The following ZNF432 variants were observed in gnomAD, a reference collection of about 807,000 sequenced individuals.
The protein encoded by ZNF432 is zinc finger protein 432.
Under a neutral mutation model 13.9 loss-of-function variants are expected in ZNF432, and 10 were observed. The observed-to-expected ratio is 0.72, with a 90% confidence interval of 0.44 to 1.22. The LOEUF (loss-of-function observed/expected upper bound fraction) is 1.22. Among genes scored for constraint, ZNF432 ranks in the 50% most tolerant of loss-of-function variants. ZNF432 has a pLI of 0.00. For missense variants in ZNF432, 793 were observed against 796.2 expected (o/e 1.00, Z 0.05); for synonymous variants, 247 against 256.2 (o/e 0.96, Z 0.34).
Position 52,033,899 on chromosome 19 carries a change from C to A in ZNF432, c.1780G>T (p.Glu594Ter). The A allele has an allele frequency of 1.2e-6, 2 of 1,614,002 alleles. No individual in the cohort carries two copies. Among genetic ancestry groups the A allele is most frequent in the Non-Finnish European group, 1.7e-6 (2 of 1,179,986 alleles). The change falls in exon 5 of 5, where the codon GAA becomes TAA. Residue 594 changes from glutamate to a stop codon, truncating the protein, a stop_gained. Coordinates refer to ENST00000221315, the MANE Select transcript of ZNF432 (RefSeq NM_014650.4). LOFTEE classifies it low-confidence loss of function (END_TRUNC). ...LALHKQVHTG[E>*]KPYGCNECGK... ...CATTCATTACATCCATAAGGTTTTTCTCCAGTATGAACTTGCTTATGTAAA... is the reference window on the plus strand; with the variant it reads ...CATTCATTACATCCATAAGGTTTTTATCCAGTATGAACTTGCTTATGTAAA...
intron 4 of ZNF432, among the ~76,000 whole-genome samples, chr19:52,038,140 A>T (rs1175993722): frequency 1.3e-5 from 2 of 152,114 alleles, no homozygotes; most frequent in Non-Finnish European, 2.9e-5. Flanking sequence ...TCATCTTGAT[A>T]AAAAAAAGTT....
Position 52,035,323 on chromosome 19 carries a change from C to G in ZNF432, c.356G>C (p.Ser119Thr). The G allele has an allele frequency of 6.2e-7, 1 of 1,612,592 alleles. No homozygotes were observed. Among genetic ancestry groups the G allele is most frequent in the South Asian group, 1.1e-5 (1 of 90,556 alleles). The change falls in exon 5 of 5, where the codon AGC (serine) becomes ACC (threonine). Residue 119 changes from serine to threonine, a missense_variant. Transcript: ENST00000221315. ...AFGNTASQTK[S>T]LCLFRENHDT... ...ATGATTTTCCCTGAAAAGACAAAGG[C>G]TTTTGGTTTGAGAGGCAGTATTTCC...
chr19:52,048,182 C>CACACACACAAAA (rs1482172095), intron 1 of ZNF432, among the ~76,000 whole-genome samples: 7 of 146,216 alleles, frequency 4.8e-5, no homozygotes, highest in African/African-American at 1.3e-4. Flanking sequence ...CACACACACA[C>CACACACACAAAA]AAAACCAGCC....
At position 52,033,783 on chromosome 19, in the gene ZNF432, T is replaced by C. The variant is rs1353604334; in HGVS notation, c.1896A>G (p.Lys632=). ...EKPFVCSECR[K]AFSSKRNLIV... is the part of the protein sequence containing the mutation. Reference sequence around the variant, plus strand: ...TGAGATTTCTCTTTGAGGAGAAGGCTTTTCTACATTCACTGCATACAAAGG... The same window carrying C: ...TGAGATTTCTCTTTGAGGAGAAGGCCTTTCTACATTCACTGCATACAAAGG... The change falls in exon 5 of 5, where the codon AAA becomes AAG. Residue 632 remains lysine, a synonymous_variant. Coordinates refer to ENST00000221315, the MANE Select transcript of ZNF432 (RefSeq NM_014650.4). 1 of 1,609,192 alleles carries C rather than the reference T, an allele frequency of 6.2e-7. No individual in the cohort carries two copies. Among genetic ancestry groups the C allele is most frequent in the Non-Finnish European group, 8.5e-7 (1 of 1,178,630 alleles).
At chr19:52,041,152 T>G (rs974737188) in intron 3 of ZNF432, among the ~76,000 whole-genome samples, 1 of 152,132 alleles carries the variant, frequency 6.6e-6, no homozygotes, top group African/African-American at 2.4e-5. Flanking sequence ...ATAACAACTA[T>G]GTACATAGCA....
Position 52,034,785 on chromosome 19 carries a change from G to A in ZNF432, c.894C>T (p.Phe298=). The change falls in exon 5 of 5, where the codon TTC becomes TTT. Residue 298 remains phenylalanine (F), a synonymous_variant. Coordinates refer to ENST00000221315, the MANE Select transcript of ZNF432 (RefSeq NM_014650.4). ...GTACAATGAGATTACGCTTGCCTGG[G>A]AAGCCTTTTCCACATTCATTGCATA... is the stretch of plus-strand genomic sequence containing the variant. ...PYICNECGKG[F]PGKRNLIVHQ... is the part of the protein sequence containing the mutation. 1.2e-6 allele frequency: 2 copies of A among 1,609,982 alleles called. No individual in the cohort carries two copies. The highest frequency in any genetic ancestry group is 1.7e-6 in the Non-Finnish European group (2 of 1,178,548).
chr19:52,040,357 G>A, intron 4 of ZNF432, 131 bp downstream of exon 4: 1 of 779,462 alleles, frequency 1.3e-6, no homozygotes, highest in Non-Finnish European at 2.2e-6. Context: ...AATAAGATGG[G>A]AAGGGTTTCT....
At chr19:52,039,755 G>A (rs2087116270) in intron 4 of ZNF432, among the ~76,000 whole-genome samples, 1 of 148,646 alleles carries the variant, frequency 6.7e-6, no homozygotes, top group Non-Finnish European at 1.5e-5. Context: ...CTTGAACCCG[G>A]GAGGTGGAGG....
Position 52,034,139 on chromosome 19 carries a change from T to C in ZNF432, c.1540A>G (p.Ile514Val), listed in dbSNP as rs1230577846. 2.5e-6 allele frequency: 4 copies of C among 1,614,050 alleles called. No individual in the cohort carries two copies. The highest frequency in any genetic ancestry group is 2.2e-5 in the South Asian group (2 of 91,062). ...QRTHTGEKPY[I>V]CNECGKGFAF... Reference sequence around the variant, plus strand: ...AAACCTTTTCCACATTCATTGCATATGTACGGTTTCTCTCCAGTATGAGTT... The same window carrying C: ...AAACCTTTTCCACATTCATTGCATACGTACGGTTTCTCTCCAGTATGAGTT... The change falls in exon 5 of 5, where the codon ATA becomes GTA. Residue 514 changes from isoleucine (I) to valine (V), a missense_variant. Transcript: ENST00000221315.
chr19:52,043,542 C>G (rs1255405703), intron 2 of ZNF432, among the ~76,000 whole-genome samples: 1 of 151,700 alleles, frequency 6.6e-6, no homozygotes, highest in South Asian at 2.1e-4. Context: ...TCCCCCAGCC[C>G]GACACCCGTA....
intron 4 of ZNF432, among the ~76,000 whole-genome samples, chr19:52,036,337 G>A (rs1177373334): frequency 1.3e-5 from 2 of 152,226 alleles, no homozygotes; most frequent in East Asian, 3.8e-4. Context: ...GTGGTTTGAT[G>A]GAGCAGTGTA....
intron 1 of ZNF432, among the ~76,000 whole-genome samples, chr19:52,048,031 G>A (rs1482265564): frequency 6.6e-6 from 1 of 151,916 alleles, no homozygotes; most frequent in African/African-American, 2.4e-5. Context: ...TGGAAAGCCA[G>A]AGGATTAGAA....
At chr19:52,046,651 A>C (rs1327217424) in intron 2 of ZNF432, among the ~76,000 whole-genome samples, 1 of 152,224 alleles carries the variant, frequency 6.6e-6, no homozygotes, top group African/African-American at 2.4e-5. Flanking sequence ...AAGGTAATGG[A>C]AAGGATCTTC....
chr19:52,041,969 T>C (rs757925409), intron 2 of ZNF432, among the ~76,000 whole-genome samples: 1 of 152,124 alleles, frequency 6.6e-6, no homozygotes, highest in African/African-American at 2.4e-5. Flanking sequence ...GCATAAGACA[T>C]AGAGAGACTT....
chr19:52,035,229 A>G lies in ZNF432; in HGVS notation c.450T>C (p.Cys150=), dbSNP rs773443992. Residue 150 remains cysteine, a synonymous_variant, in exon 5 of 5, where the codon TGT becomes TGC. Coordinates refer to ENST00000221315, the MANE Select transcript of ZNF432 (RefSeq NM_014650.4). ...TAAATTTAGTAGAGTTGTTAATTTC[A>G]CAGCTTTTGTTCTGGTTGACTAAAC... The part of the protein sequence containing the change: ...NLSLVNQNKS[C]EINNSTKFSG... 13 of 1,608,988 alleles carry G rather than the reference A, an allele frequency of 8.1e-6. No homozygotes were observed. Among genetic ancestry groups the G allele is most frequent in the Middle Eastern group, 1.7e-4 (1 of 6,026 alleles).
At position 52,035,233 on chromosome 19, in the gene ZNF432, C is replaced by G. The variant is rs1180439373; in HGVS notation, c.446G>C (p.Ser149Thr). ...TTTAGTAGAGTTGTTAATTTCACAG[C>G]TTTTGTTCTGGTTGACTAAACTTAA... ...SNLSLVNQNKSCEINNSTKFS... is the reference protein window; with the variant it reads ...SNLSLVNQNKTCEINNSTKFS... The change falls in exon 5 of 5, where the codon AGC (serine) becomes ACC (threonine). Residue 149 changes from serine to threonine, a missense_variant. By Grantham distance (58) the Ser-to-Thr change is moderately conservative. Transcript: ENST00000221315. 6.2e-7 allele frequency: 1 copy of G among 1,607,940 alleles called. No individual in the cohort carries two copies. Among genetic ancestry groups the G allele is most frequent in the African/African-American group, 1.3e-5 (1 of 74,404 alleles).
At chr19:52,044,715 T>A (rs897355926) in intron 2 of ZNF432, among the ~76,000 whole-genome samples, 3 of 152,230 alleles carry the variant, frequency 2.0e-5, no homozygotes, top group Non-Finnish European at 4.4e-5. Context: ...ATGTCATATT[T>A]TTAAGTATTG....
rs771500502 is a variant in ZNF432 at position 52,034,166 on chromosome 19, G to A, written c.1513C>T (p.Arg505Ter). 1.2e-5 allele frequency: 20 copies of A among 1,613,824 alleles called. No homozygotes were observed. The highest frequency in any genetic ancestry group is 1.4e-5 in the Non-Finnish European group (17 of 1,179,984). ...TACGGTTTCTCTCCAGTATGAGTTC[G>A]CTGATGTAACATCAGTCCGCTATTC... ...IVNSGLMLHQ[R>*]THTGEKPYIC... The change falls in exon 5 of 5, where the codon CGA (arginine) becomes TGA (stop). Residue 505 changes from arginine to a stop codon, truncating the protein, a stop_gained. Transcript: ENST00000221315. LOFTEE classifies it low-confidence loss of function (END_TRUNC).
chr19:52,035,986 T>C (rs1021568564), intron 4 of ZNF432, among the ~76,000 whole-genome samples: 8 of 152,192 alleles, frequency 5.3e-5, no homozygotes, highest in African/African-American at 1.9e-4. Context: ...TGACAATCTA[T>C]ATCGATTTGA....
Sources: gnomAD v4.1 joint callset for allele counts (sites outside exome capture counted in the v4.1 genomes callset) on GRCh38, gnomAD v4.1.1 for gene constraint, MANE v1.5 for transcripts, NCBI Gene and HGNC (gene_info 2026-07-23, HGNC 2026-07-21) for gene names.